GAS7: variants seen among roughly 807,000 people sequenced by gnomAD.
The protein encoded by GAS7 is growth arrest specific 7, also known as growth arrest-specific protein 7.
In GAS7, 28 loss-of-function variants were observed where a neutral mutation model predicts 71.1. That is an observed-to-expected ratio of 0.39 (90% CI 0.29 to 0.54). The LOEUF (loss-of-function observed/expected upper bound fraction) is 0.54. Among genes scored for constraint, GAS7 ranks in the 20% least tolerant of loss-of-function variants. GAS7 has a pLI of 0.62. For missense variants in GAS7, 436 were observed against 627.8 expected (o/e 0.69, Z 3.27); for synonymous variants, 258 against 245.8 (o/e 1.05, Z -0.46).
chr17:9,980,487 C>T (rs958784376), intron 3 of GAS7, among the ~76,000 whole-genome samples: 1 of 152,234 alleles, frequency 6.6e-6, no homozygotes, highest in Non-Finnish European at 1.5e-5. Flanking sequence ...GCTCTCACCT[C>T]CCTTCCACAG....
rs58204073 is a variant in GAS7 at position 9,917,989 on chromosome 17, CT to C, written c.1317+11del. The C allele has an allele frequency of 3.7e-3, 5,865 of 1,602,718 alleles. 194 individuals carry two copies. In the African/African-American group the frequency reaches 0.069, roughly 19 times the overall value. On this transcript the variant is annotated intron_variant, in intron 13 of 13. Coordinates refer to ENST00000432992, the MANE Select transcript of GAS7 (RefSeq NM_201433.2). ...CGTGTCGCCCGGGAGCCCCGCTGGG[CT>C]GGAAACTCACGCTTTGGTTGAACAT...
chr17:10,141,550 T>TA (rs2074081484), intron 1 of GAS7, among the ~76,000 whole-genome samples: 1 of 152,062 alleles, frequency 6.6e-6, no homozygotes, highest in East Asian at 1.9e-4. Flanking sequence ...AGCTCTCAGT[T>TA]ACTCCCTCCA....
intron 1 of GAS7, among the ~76,000 whole-genome samples, chr17:10,054,039 C>T (rs913793190): frequency 2.6e-5 from 4 of 152,168 alleles, no homozygotes; most frequent in African/African-American, 7.2e-5. Context: ...AGGCACTCCA[C>T]TTTGAGAATC....
At chr17:10,094,625 C>T (rs1263246400) in intron 1 of GAS7, among the ~76,000 whole-genome samples, 2 of 152,024 alleles carry the variant, frequency 1.3e-5, no homozygotes, top group South Asian at 4.2e-4. Context: ...CGCGCCACCA[C>T]GCCTGACTAA....
chr17:10,143,167 G>A (rs1268946695), intron 1 of GAS7, among the ~76,000 whole-genome samples: 1 of 152,082 alleles, frequency 6.6e-6, no homozygotes, highest in Admixed American at 6.6e-5. Flanking sequence ...GGGCGACAGA[G>A]ACAGACTCCG....
intron 2 of GAS7, among the ~76,000 whole-genome samples, chr17:9,998,032 T>C (rs910426159): frequency 6.6e-6 from 1 of 152,192 alleles, no homozygotes. Flanking sequence ...ACGATTGATG[T>C]CATCACTGGG....
At chr17:10,113,120 G>C (rs1233489612) in intron 1 of GAS7, among the ~76,000 whole-genome samples, 1 of 152,040 alleles carries the variant, frequency 6.6e-6, no homozygotes, top group African/African-American at 2.4e-5. Flanking sequence ...AGCCATGGGA[G>C]AGAAATTCAA....
chr17:10,090,075 A>G (rs2152255554), intron 1 of GAS7, among the ~76,000 whole-genome samples: 1 of 152,136 alleles, frequency 6.6e-6, no homozygotes, highest in South Asian at 2.1e-4. Context: ...AGGCTGAGAC[A>G]GGAGAATGGC....
intron 1 of GAS7, among the ~76,000 whole-genome samples, chr17:10,089,545 C>A (rs2073558770): frequency 6.6e-6 from 1 of 152,012 alleles, no homozygotes; most frequent in African/African-American, 2.4e-5. Context: ...TATTTAAAGA[C>A]CATGAGTTTC....
chr17:10,007,215 G>A lies in GAS7; in HGVS notation c.304+12562C>T, dbSNP rs2152181419. 2.0e-5 allele frequency among the ~76,000 whole-genome samples: 3 copies of A among 152,332 alleles called. 1 individual carries two copies. In the Middle Eastern group the frequency reaches 0.01, roughly 518 times the overall value. The stretch of plus-strand genomic sequence containing the variant: ...CTTTCCAAATAGATTCTGAAGGTCT[G>A]TGATAGAATCTGCGTATTGTTTTGT... On this transcript the variant is annotated intron_variant, in intron 2 of 13. Coordinates refer to ENST00000432992, the MANE Select transcript of GAS7 (RefSeq NM_201433.2).
intron 1 of GAS7, among the ~76,000 whole-genome samples, chr17:10,135,652 T>C (rs1343781153): frequency 6.6e-6 from 1 of 152,170 alleles, no homozygotes; most frequent in Non-Finnish European, 1.5e-5. Context: ...GAGGGCACAA[T>C]GCCTTCTTTT....
intron 1 of GAS7, among the ~76,000 whole-genome samples, chr17:10,075,272 C>T (rs559471945): frequency 1.3e-5 from 2 of 151,874 alleles, no homozygotes; most frequent in South Asian, 2.1e-4. Context: ...AGGAGAATCG[C>T]TTGAACCCAG....
chr17:10,006,310 C>A (rs1007463947), intron 2 of GAS7, among the ~76,000 whole-genome samples: 1 of 142,806 alleles, frequency 7.0e-6, no homozygotes. Flanking sequence ...GTACAAGCCC[C>A]AGATTCTTTT....
chr17:9,960,177 G>C (rs1484943776), intron 4 of GAS7, among the ~76,000 whole-genome samples: 1 of 151,674 alleles, frequency 6.6e-6, no homozygotes, highest in African/African-American at 2.4e-5. Flanking sequence ...CCCAGGACTT[G>C]TGCATGACCT....
chr17:9,951,844 A>AGAAACGTGGG (rs2069031426), intron 5 of GAS7, among the ~76,000 whole-genome samples: 1 of 139,316 alleles, frequency 7.2e-6, no homozygotes, highest in South Asian at 2.2e-4. Context: ...TGGGGCAGGC[A>AGAAACGTGGG]GGAGGAGAAA....
chr17:10,034,165 G>C lies in GAS7; in HGVS notation c.184-14268C>G. On this transcript the variant is annotated intron_variant, in intron 1 of 13. Coordinates refer to ENST00000432992, the MANE Select transcript of GAS7 (RefSeq NM_201433.2). This position sits in a 1 kb window ranked among gnomAD's most constrained non-coding sequence, Gnocchi z 4.4. The stretch of plus-strand genomic sequence containing the variant: ...CAGGATGGGAATCGGAGCTGGTAAA[G>C]CTGCAGCAGTCTCGCTGGCAGATCT... 1.0e-6 allele frequency: 1 copy of C among 985,060 alleles called. No homozygotes were observed. The highest frequency in any genetic ancestry group is 1.2e-6 in the Non-Finnish European group (1 of 829,576). The allele number at this position is 985,060 out of a possible 1,614,324, so 61.0% of individuals were successfully genotyped here. A position where few individuals can be genotyped will look rare whatever the true frequency, so the allele number is the denominator to read the frequency against.
At position 10,045,204 on chromosome 17, in the gene GAS7, G is replaced by A. The variant is rs189189472; in HGVS notation, c.184-25307C>T. 1.9e-3 allele frequency among the ~76,000 whole-genome samples: 292 copies of A among 152,280 alleles called. 2 individuals are homozygous for A. The highest frequency in any genetic ancestry group is 6.6e-3 in the African/African-American group (276 of 41,562). On this transcript the variant is annotated intron_variant, in intron 1 of 13. Coordinates refer to ENST00000432992, the MANE Select transcript of GAS7 (RefSeq NM_201433.2). ...AGGACCTATGAGCATAGGATGCAAA[G>A]GGAAGCAAGATCTTTAGATAAGATG...
intron 5 of GAS7, among the ~76,000 whole-genome samples, chr17:9,958,493 G>A (rs967910180): frequency 2.0e-5 from 3 of 152,190 alleles, no homozygotes; most frequent in Non-Finnish European, 4.4e-5. Context: ...GCAATACCCC[G>A]TTCCCTGCTC....
At chr17:9,954,918 T>C (rs1270243733) in intron 5 of GAS7, among the ~76,000 whole-genome samples, 3 of 152,036 alleles carry the variant, frequency 2.0e-5, no homozygotes, top group Non-Finnish European at 4.4e-5. Context: ...CAGAGGGGCA[T>C]GGTGAGAGGT....
Sources: gnomAD v4.1 joint callset for allele counts (sites outside exome capture counted in the v4.1 genomes callset) on GRCh38, gnomAD v4.1.1 for gene constraint, Gnocchi (gnomAD v3.1) non-coding constraint, MANE v1.5 for transcripts, NCBI Gene and HGNC (gene_info 2026-07-23, HGNC 2026-07-21) for gene names.